The following TRIM26 variants were observed in gnomAD, a reference collection of about 807,000 sequenced individuals.
TRIM26 encodes tripartite motif containing 26, also known as tripartite motif-containing protein 26.
A neutral mutation model predicts 45.5 loss-of-function variants in TRIM26; 16 were observed. The observed-to-expected ratio is 0.35, with a 90% CI of 0.24 to 0.53. TRIM26 has a LOEUF of 0.53. Ranked by LOEUF, TRIM26 falls within the 20% of genes least tolerant of loss-of-function variation. TRIM26 has a pLI of 0.92. For missense variants in TRIM26, 442 were observed against 691.1 expected (o/e 0.64, Z 4.04); for synonymous variants, 273 against 290.4 (o/e 0.94, Z 0.61).
At position 30,186,812 on chromosome 6, in the gene TRIM26, G is replaced by A. The variant is rs1303825255; in HGVS notation, c.938-254C>T. On this transcript the variant is annotated intron_variant, in intron 9 of 9. Coordinates refer to ENST00000454678, the MANE Select transcript of TRIM26 (RefSeq NM_003449.5). The surrounding 1 kb of genome is among the most constrained non-coding windows in gnomAD (Gnocchi z 7.4). ...ATTTAACTTGACTGTTTTCGCTTAC[G>A]CTCTGATTCCAAACAAAACTTTTCA... 9.2e-6 allele frequency: 10 copies of A among 1,089,508 alleles called. No individual in the cohort carries two copies. Among genetic ancestry groups the A allele is most frequent in the South Asian group, 4.0e-5 (3 of 74,840 alleles). 67.5% of individuals were successfully genotyped at this position (1,089,508 alleles called of 1,614,324 possible).
intron 3 of TRIM26, among the ~76,000 whole-genome samples, chr6:30,200,121 A>G (rs1776996773): frequency 1.3e-5 from 2 of 152,114 alleles, no homozygotes; most frequent in Admixed American, 6.5e-5. Context: ...AAAAATTTAA[A>G]AATTTTTTAA....
intron 2 of TRIM26, among the ~76,000 whole-genome samples, chr6:30,202,988 G>A (rs1035719627): frequency 6.6e-6 from 1 of 151,706 alleles, no homozygotes; most frequent in Non-Finnish European, 1.5e-5. Context: ...GAACTATTGT[G>A]GGAAATTTGT....
intron 5 of TRIM26, among the ~76,000 whole-genome samples, chr6:30,197,433 T>TG (rs1776607614): frequency 6.6e-6 from 1 of 152,140 alleles, no homozygotes; most frequent in African/African-American, 2.4e-5. Context: ...CTAGGCCTAA[T>TG]GACTCACCAC....
intron 1 of TRIM26, among the ~76,000 whole-genome samples, chr6:30,205,017 G>A (rs1305246432): frequency 1.3e-5 from 2 of 152,106 alleles, no homozygotes; most frequent in Admixed American, 6.5e-5. Flanking sequence ...AGAGGCGGGT[G>A]GATCACCTGA....
intron 9 of TRIM26, among the ~76,000 whole-genome samples, chr6:30,187,991 G>C (rs1455438931): frequency 2.1e-5 from 3 of 145,266 alleles, no homozygotes. Flanking sequence ...AGGCCGAGGC[G>C]GGTGGATCAC....
chr6:30,189,477 T>G lies in TRIM26; in HGVS notation c.845A>C (p.Lys282Thr). ...GAGTTTATCTGAGAATTCTCCGGTC[T>G]TTTTTTTAACCACTCGAGCAATGGG... ...GKPIARVVKK[K>T]TGEFSDKLLS... The change falls in exon 8 of 10, where the codon AAG becomes ACG. Residue 282 changes from lysine (K) to threonine (T), a missense_variant. By Grantham distance (78) the Lys-to-Thr change is moderately conservative. Coordinates refer to ENST00000454678, the MANE Select transcript of TRIM26 (RefSeq NM_003449.5). This position sits in a 1 kb window ranked among gnomAD's most constrained non-coding sequence, Gnocchi z 5.0. 1 of 1,611,998 alleles carries G rather than the reference T, an allele frequency of 6.2e-7. No individual in the cohort carries two copies. The highest frequency in any genetic ancestry group is 8.5e-7 in the Non-Finnish European group (1 of 1,179,314).
In TRIM26 at chr6:30,190,078, A is replaced by G. The variant is rs1160821174; in HGVS notation, c.766-43T>C. 3.7e-6 allele frequency: 6 copies of G among 1,608,934 alleles called. No individual in the cohort carries two copies. The highest frequency in any genetic ancestry group is 1.1e-5 in the South Asian group (1 of 90,904). On this transcript the variant is annotated intron_variant, in intron 6 of 9. Coordinates refer to ENST00000454678, the MANE Select transcript of TRIM26 (RefSeq NM_003449.5). This position sits in a 1 kb window ranked among gnomAD's most constrained non-coding sequence, Gnocchi z 4.3. The stretch of plus-strand genomic sequence containing the variant: ...AAGCACAAGTATCAATATGAATCAA[A>G]TAAGACTTCAATGCATCTGCACCCA...
In TRIM26 at chr6:30,186,814, T is replaced by G; in HGVS notation, c.938-256A>C. The G allele has an allele frequency of 9.2e-7, 1 of 1,090,466 alleles. No individual in the cohort carries two copies. The highest frequency in any genetic ancestry group is 1.3e-5 in the South Asian group (1 of 75,310). The allele number at this position is 1,090,466 out of a possible 1,614,324, so 67.5% of individuals were successfully genotyped here. ...TTAACTTGACTGTTTTCGCTTACGCTCTGATTCCAAACAAAACTTTTCATA... is the reference window on the plus strand; with the variant it reads ...TTAACTTGACTGTTTTCGCTTACGCGCTGATTCCAAACAAAACTTTTCATA... On this transcript the variant is annotated intron_variant, in intron 9 of 9. Coordinates refer to ENST00000454678, the MANE Select transcript of TRIM26 (RefSeq NM_003449.5). This position sits in a 1 kb window ranked among gnomAD's most constrained non-coding sequence, Gnocchi z 7.4.
chr6:30,188,366 C>A, intron 9 of TRIM26: 1 of 432,046 alleles, frequency 2.3e-6, no homozygotes, highest in Non-Finnish European at 4.3e-6. Context: ...CCAGCCTGCT[C>A]TGTAAGATGG....
At chr6:30,191,553 AGG>A (rs1329824387) in intron 6 of TRIM26, among the ~76,000 whole-genome samples, 2 of 152,154 alleles carry the variant, frequency 1.3e-5, no homozygotes, top group Admixed American at 1.3e-4. Flanking sequence ...AGCAGAGTGA[AGG>A]GGGATGGGAG....
In TRIM26 at chr6:30,196,959, C is replaced by CTA. The variant is rs1776547023; in HGVS notation, c.535-215_535-214dup. Among the ~76,000 whole-genome samples, 1 of 152,200 alleles carries CTA rather than the reference C, an allele frequency of 6.6e-6. No individual in the cohort carries two copies. The highest frequency in any genetic ancestry group is 2.4e-5 in the African/African-American group (1 of 41,438). ...TGAATTAGTTCAGTTCACCCCACCACTATATGGTCAAAACCCTGTCTCCAC... is the reference window on the plus strand; with the variant it reads ...TGAATTAGTTCAGTTCACCCCACCACTATATATGGTCAAAACCCTGTCTCCAC... On this transcript the variant is annotated intron_variant, in intron 5 of 9. Transcript: ENST00000454678. The surrounding 1 kb of genome is among the most constrained non-coding windows in gnomAD (Gnocchi z 4.9).
intron 6 of TRIM26, among the ~76,000 whole-genome samples, chr6:30,193,433 G>A (rs1776157723): frequency 6.6e-6 from 1 of 151,606 alleles, no homozygotes; most frequent in Non-Finnish European, 1.5e-5. Flanking sequence ...GCCTGTCTCG[G>A]CCTCACAAAG....
At chr6:30,193,584 GT>G (rs567555597) in intron 6 of TRIM26, among the ~76,000 whole-genome samples, 1 of 151,584 alleles carries the variant, frequency 6.6e-6, no homozygotes, top group East Asian at 1.9e-4. Flanking sequence ...ATGAATTTTA[GT>G]TTTTTTTCTA....
chr6:30,190,278 C>A lies in TRIM26; in HGVS notation c.766-243G>T, dbSNP rs140864376. 2.6e-3 allele frequency: 1,540 copies of A among 591,530 alleles called. 6 individuals are homozygous for A. The highest frequency in any genetic ancestry group is 0.012 in the African/African-American group (660 of 53,822). The allele number at this position is 591,530 out of a possible 1,614,324, so 36.6% of individuals were successfully genotyped here. A position where few individuals can be genotyped will look rare whatever the true frequency, so the allele number is the denominator to read the frequency against. On this transcript the variant is annotated intron_variant, in intron 6 of 9. Coordinates refer to ENST00000454678, the MANE Select transcript of TRIM26 (RefSeq NM_003449.5). The surrounding 1 kb of genome is among the most constrained non-coding windows in gnomAD (Gnocchi z 4.3). ...ACATGGGCAACCTCTCTGGGAGATACCTGCGCAGAGAATTGACGGATAAGA... is the reference window on the plus strand; with the variant it reads ...ACATGGGCAACCTCTCTGGGAGATAACTGCGCAGAGAATTGACGGATAAGA...
chr6:30,193,074 A>G (rs1581669575), intron 6 of TRIM26, among the ~76,000 whole-genome samples: 1 of 139,756 alleles, frequency 7.2e-6, no homozygotes, highest in African/African-American at 2.7e-5. Context: ...ATATATATAT[A>G]TATGTATATA....
At chr6:30,193,116 GTGTA>G (rs1776048727) in intron 6 of TRIM26, among the ~76,000 whole-genome samples, 6 of 81,040 alleles carry the variant, frequency 7.4e-5, no homozygotes, top group South Asian at 7.4e-4. Context: ...ACATATATAT[GTGTA>G]TATATATATA....
intron 2 of TRIM26, among the ~76,000 whole-genome samples, chr6:30,202,551 G>A (rs114401714): frequency 2.3e-3 from 352 of 152,318 alleles, no homozygotes; most frequent in African/African-American, 7.4e-3. Flanking sequence ...CAAATCCAGC[G>A]TCATCAGCAG....
rs186933893 is a variant in TRIM26, at chr6:30,201,574, G to A, written c.-265-436C>T. ...GAAATGCTAGGAATTGGCCGGGCAC[G>A]GTGGCTCACACCTGTAATCCCAACA... On this transcript the variant is annotated intron_variant, in intron 2 of 9. Coordinates refer to ENST00000454678, the MANE Select transcript of TRIM26 (RefSeq NM_003449.5). Among the ~76,000 whole-genome samples the A allele has an allele frequency of 2.1e-3, 321 of 152,120 alleles. 1 individual carries two copies. The highest frequency in any genetic ancestry group is 7.4e-3 in the African/African-American group (306 of 41,484).
At chr6:30,212,353 G>A (rs2127542086) in intron 1 of TRIM26, among the ~76,000 whole-genome samples, 1 of 152,274 alleles carries the variant, frequency 6.6e-6, no homozygotes, top group Admixed American at 6.5e-5. Context: ...AAAAAGTACT[G>A]AGGTAAAAAC....
Sources: allele counts gnomAD v4.1 joint callset (sites outside exome capture counted in the v4.1 genomes callset), GRCh38; gene constraint gnomAD v4.1.1; non-coding constraint Gnocchi (gnomAD v3.1); transcripts MANE v1.5; gene names NCBI Gene and HGNC (gene_info 2026-07-23, HGNC 2026-07-21).